The following CLTC variants were observed in gnomAD, a reference collection of about 807,000 sequenced individuals.
The protein encoded by CLTC is clathrin heavy chain 1.
In CLTC, 16 loss-of-function variants were observed where a neutral mutation model predicts 195.8. The ratio of observed to expected loss-of-function variants is 0.08; its 90% CI spans 0.06 to 0.12. CLTC has a LOEUF of 0.12. CLTC is among the 10% of genes least tolerant of loss of function. The probability of loss-of-function intolerance (pLI) is 1.00; values close to 1 mark genes in which losing one functional copy is unlikely to be tolerated. For synonymous variants in CLTC, 667 were observed against 689.4 expected (o/e 0.97, Z 0.51); for missense variants, 796 against 2,027.0 (o/e 0.39, Z 11.66).
intron 1 of CLTC, among the ~76,000 whole-genome samples, chr17:59,631,105 T>C (rs1480030345): frequency 1.3e-5 from 2 of 152,242 alleles, no homozygotes; most frequent in Non-Finnish European, 2.9e-5. Context: ...GGAAAATAAG[T>C]ACCTTATTTG....
intron 14 of CLTC, among the ~76,000 whole-genome samples, chr17:59,670,481 C>G (rs990786773): frequency 9.2e-5 from 14 of 152,006 alleles, no homozygotes; most frequent in African/African-American, 3.4e-4. Context: ...GTCTGTTGTT[C>G]CTCTCTGTGT....
chr17:59,657,854 G>A (rs989255428), intron 6 of CLTC, among the ~76,000 whole-genome samples: 20 of 150,122 alleles, frequency 1.3e-4, no homozygotes, highest in African/African-American at 4.9e-4. Context: ...TCATGAAGTT[G>A]TGAAGCCAGG....
rs553691127 is a variant in CLTC at position 59,644,530 on chromosome 17, T to G, written c.250+47T>G. On this transcript the variant is annotated intron_variant, in intron 2 of 31. Transcript: ENST00000269122. ...CCTTAAAACTCTTCCTATGTTTTTG[T>G]TTTTTTTTGTTTTTTTTTTGTTTGT... The G allele has an allele frequency of 2.7e-4, 341 of 1,281,954 alleles. No homozygotes were observed. In the African/African-American group the frequency reaches 2.8e-3, roughly 11 times the overall value. The allele number at this position is 1,281,954 out of a possible 1,614,324, so 79.4% of individuals were successfully genotyped here.
intron 1 of CLTC, among the ~76,000 whole-genome samples, chr17:59,639,868 G>T (rs1373156564): frequency 6.6e-6 from 1 of 151,696 alleles, no homozygotes; most frequent in African/African-American, 2.4e-5. Flanking sequence ...GGAGGCTGAG[G>T]TAGGAAGATC....
intron 30 of CLTC, 189 bp from the exon 31 acceptor site, chr17:59,690,447 G>C (rs186393918): frequency 6.7e-4 from 323 of 483,478 alleles, no homozygotes; most frequent in Non-Finnish European, 8.5e-4. Context: ...GGTTTATAAT[G>C]ACAGTGCTGA....
chr17:59,648,491 C>A lies in CLTC; in HGVS notation c.681+90C>A. The A allele has an allele frequency of 8.2e-7, 1 of 1,215,668 alleles. No homozygotes were observed. Among genetic ancestry groups the A allele is most frequent in the Non-Finnish European group, 1.2e-6 (1 of 868,570 alleles). 75.3% of individuals were successfully genotyped at this position (1,215,668 alleles called of 1,614,324 possible). A position where few individuals can be genotyped will look rare whatever the true frequency, so the allele number is the denominator to read the frequency against. On this transcript the variant is annotated intron_variant, in intron 4 of 31. Transcript: ENST00000269122. The surrounding 1 kb of genome is among the most constrained non-coding windows in gnomAD (Gnocchi z 4.5). ...TCATCTAATTTCAAAATAGCCTTCT[C>A]CCTTCCTAAGTAATTTTAGTATTCA...
At chr17:59,646,484 T>G (rs2032198508) in intron 2 of CLTC, among the ~76,000 whole-genome samples, 2 of 143,602 alleles carry the variant, frequency 1.4e-5, no homozygotes, top group Non-Finnish European at 3.1e-5. Context: ...ACCCGAATCT[T>G]AAAATTTTGG....
chr17:59,662,102 TAA>T (rs200777495), intron 8 of CLTC, among the ~76,000 whole-genome samples: 11 of 137,954 alleles, frequency 8.0e-5, no homozygotes, highest in East Asian at 2.1e-4. Context: ...GACTCGGTCT[TAA>T]AAAAAAAAAA....
In CLTC at chr17:59,648,529, C is replaced by T. The variant is rs772666656; in HGVS notation, c.681+128C>T. The T allele has an allele frequency of 2.8e-4, 255 of 905,314 alleles. No individual in the cohort carries two copies. The highest frequency in any genetic ancestry group is 4.0e-4 in the Non-Finnish European group (241 of 597,340). 56.1% of individuals were successfully genotyped at this position (905,314 alleles called of 1,614,324 possible). On this transcript the variant is annotated intron_variant, in intron 4 of 31. Coordinates refer to ENST00000269122, the MANE Select transcript of CLTC (RefSeq NM_004859.4). This position sits in a 1 kb window ranked among gnomAD's most constrained non-coding sequence, Gnocchi z 4.5. ...ATTTTAGTATTCACATTTGTGGTGACTTAATTTGTTCAAATTTTGCATCTA... is the reference window on the plus strand; with the variant it reads ...ATTTTAGTATTCACATTTGTGGTGATTTAATTTGTTCAAATTTTGCATCTA...
Position 59,682,332 on chromosome 17 carries a change from T to C in CLTC, c.3504T>C (p.Tyr1168=), listed in dbSNP as rs1421732955. ...QMARKKARES[Y]VETELIFALA... ...CCCGTAAGAAGGCTCGAGAGTCCTA[T>C]GTGGAGACAGAACTGATATTCGCAC... Residue 1168 remains tyrosine, a synonymous_variant, in exon 22 of 32, where the codon TAT becomes TAC. Coordinates refer to ENST00000269122, the MANE Select transcript of CLTC (RefSeq NM_004859.4). The surrounding 1 kb of genome is among the most constrained non-coding windows in gnomAD (Gnocchi z 6.8). The C allele has an allele frequency of 1.2e-6, 2 of 1,614,062 alleles. No homozygotes were observed. Among genetic ancestry groups the C allele is most frequent in the Non-Finnish European group, 1.7e-6 (2 of 1,180,004 alleles).
intron 6 of CLTC, among the ~76,000 whole-genome samples, chr17:59,657,796 A>G (rs1299239477): frequency 6.6e-6 from 1 of 151,538 alleles, no homozygotes; most frequent in African/African-American, 2.4e-5. Flanking sequence ...AAGGAAAATC[A>G]AGAATATATT....
chr17:59,672,455 T>C (rs915614290), intron 14 of CLTC, among the ~76,000 whole-genome samples: 1 of 141,818 alleles, frequency 7.1e-6, no homozygotes, highest in East Asian at 2.1e-4. Flanking sequence ...CCATACTTTT[T>C]TGATGTTCAT....
chr17:59,662,157 A>G (rs192669083), intron 8 of CLTC, among the ~76,000 whole-genome samples: 31 of 152,264 alleles, frequency 2.0e-4, no homozygotes, highest in African/African-American at 7.2e-4. Context: ...CTAATTAGCA[A>G]TGAGATACTG....
At chr17:59,645,613 A>C (rs1286622271) in intron 2 of CLTC, among the ~76,000 whole-genome samples, 1 of 152,216 alleles carries the variant, frequency 6.6e-6, no homozygotes, top group Non-Finnish European at 1.5e-5. Flanking sequence ...ATTTGTGACT[A>C]AGTTATTAGA....
chr17:59,690,568 C>T, intron 30 of CLTC, 68 bp from the exon 31 acceptor site: 1 of 1,107,776 alleles, frequency 9.0e-7, no homozygotes, highest in Non-Finnish European at 1.3e-6. Flanking sequence ...GGCTTTTCCA[C>T]TTTCTGCCAT....
intron 2 of CLTC, among the ~76,000 whole-genome samples, chr17:59,645,593 T>C (rs1451838171): frequency 6.6e-6 from 1 of 152,222 alleles, no homozygotes; most frequent in Non-Finnish European, 1.5e-5. Flanking sequence ...TCGCAGTAAT[T>C]TGTTGATAAA....
intron 2 of CLTC, among the ~76,000 whole-genome samples, chr17:59,646,459 C>G (rs1462177912): frequency 7.0e-6 from 1 of 142,090 alleles, no homozygotes; most frequent in African/African-American, 2.5e-5. Context: ...TGCCCCCCTT[C>G]TTTGTCCCCC....
chr17:59,659,728 G>A (rs1261471033), intron 6 of CLTC, among the ~76,000 whole-genome samples: 6 of 151,958 alleles, frequency 3.9e-5, no homozygotes, highest in African/African-American at 1.2e-4. Flanking sequence ...GATTACAGGC[G>A]TGAGCCACTG....
intron 30 of CLTC, among the ~76,000 whole-genome samples, chr17:59,686,258 T>A (rs2033181507): frequency 1.3e-5 from 2 of 152,066 alleles, no homozygotes; most frequent in Admixed American, 1.3e-4. Context: ...TTTTTGATAG[T>A]TTAACCCCTG....
Sources: gnomAD v4.1 joint callset for allele counts (sites outside exome capture counted in the v4.1 genomes callset) on GRCh38, gnomAD v4.1.1 for gene constraint, Gnocchi (gnomAD v3.1) non-coding constraint, MANE v1.5 for transcripts, NCBI Gene and HGNC (gene_info 2026-07-23, HGNC 2026-07-21) for gene names.